The following PTDSS1 variants were observed in gnomAD, a reference collection of about 807,000 sequenced individuals.
PTDSS1 encodes the protein phosphatidylserine synthase 1, also known as PSS-1.
In PTDSS1, 45 loss-of-function variants were observed where a neutral mutation model predicts 70.5. That is an observed-to-expected ratio of 0.64 (90% CI 0.50 to 0.82). The LOEUF (loss-of-function observed/expected upper bound fraction) is 0.82. Among genes scored for constraint, PTDSS1 ranks in the 40% least tolerant of loss-of-function variants. The pLI, the probability that PTDSS1 is intolerant of heterozygous loss-of-function variation, is 0.00. For missense variants in PTDSS1, 417 were observed against 586.1 expected, an observed-to-expected ratio of 0.71 and a Z score of 2.98; for synonymous variants, 188 against 203.8, an observed-to-expected ratio of 0.92 and a Z score of 0.66.
intron 8 of PTDSS1, among the ~76,000 whole-genome samples, chr8:96,308,934 A>G (rs184436387): frequency 1.3e-5 from 2 of 152,222 alleles, no homozygotes; most frequent in East Asian, 3.9e-4. Context: ...TTGGCATTCA[A>G]TGGCAGTGAG....
chr8:96,294,281 G>T (rs1227699983), intron 4 of PTDSS1, among the ~76,000 whole-genome samples: 2 of 152,070 alleles, frequency 1.3e-5, no homozygotes, highest in East Asian at 3.9e-4. Context: ...TTTTCAGCTG[G>T]CTGATAATAG....
intron 9 of PTDSS1, among the ~76,000 whole-genome samples, chr8:96,315,403 C>A (rs1050640580): frequency 3.3e-5 from 5 of 152,278 alleles, no homozygotes; most frequent in Middle Eastern, 3.4e-3. Context: ...TCCTCAGAAT[C>A]CACGTGCAGG....
chr8:96,279,303 C>T (rs1354684265), intron 2 of PTDSS1, among the ~76,000 whole-genome samples: 1 of 151,834 alleles, frequency 6.6e-6, no homozygotes, highest in Non-Finnish European at 1.5e-5. Flanking sequence ...TTTTTACGGT[C>T]TTTGAGGAGA....
rs555586224 is a variant in PTDSS1 at position 96,335,792 on chromosome 8, G to C, written c.*2226G>C. The C allele has an allele frequency of 6.6e-6, 1 of 152,266 alleles. No homozygotes were observed. The highest frequency in any genetic ancestry group is 2.4e-5 in the African/African-American group (1 of 41,550). The allele number at this position is 152,266 out of a possible 1,614,324, so 9.4% of individuals were successfully genotyped here. ...TTTAGAAGCCATACTGCTGGGTTTG[G>C]CCTACTTTTTTCACCGTTTCTATGG... On this transcript the variant is annotated 3_prime_UTR_variant, in exon 13 of 13. Transcript: ENST00000517309.
intron 9 of PTDSS1, among the ~76,000 whole-genome samples, chr8:96,311,616 G>A (rs1025031295): frequency 2.0e-5 from 3 of 152,184 alleles, no homozygotes; most frequent in Non-Finnish European, 2.9e-5. Flanking sequence ...TTGATACTCA[G>A]GTTAGATTTA....
intron 9 of PTDSS1, among the ~76,000 whole-genome samples, chr8:96,318,445 C>G (rs545831806): frequency 4.3e-4 from 65 of 152,268 alleles, no homozygotes; most frequent in Non-Finnish European, 7.5e-4. Context: ...GCTCAACACT[C>G]CCATCATAGG....
At chr8:96,308,106 GGA>G (rs1264869124) in intron 8 of PTDSS1, among the ~76,000 whole-genome samples, 1 of 152,196 alleles carries the variant, frequency 6.6e-6, no homozygotes, top group African/African-American at 2.4e-5. Flanking sequence ...GGTCCCGAGA[GGA>G]GAGAGAGTTT....
intron 4 of PTDSS1, among the ~76,000 whole-genome samples, chr8:96,292,377 A>G (rs2130071504): frequency 6.6e-6 from 1 of 152,278 alleles, no homozygotes; most frequent in African/African-American, 2.4e-5. Context: ...CTAATTCTCA[A>G]AACAATACAG....
At chr8:96,280,855 T>C (rs1810725443) in intron 2 of PTDSS1, among the ~76,000 whole-genome samples, 1 of 151,948 alleles carries the variant, frequency 6.6e-6, no homozygotes, top group Non-Finnish European at 1.5e-5. Context: ...TCTAATAACC[T>C]CAGAACCATA....
At chr8:96,264,003 C>G (rs192077297) in intron 1 of PTDSS1, among the ~76,000 whole-genome samples, 27 of 152,352 alleles carry the variant, frequency 1.8e-4, no homozygotes, top group Admixed American at 1.6e-3. Context: ...ATTGCTTACT[C>G]TTTAATGATT....
chr8:96,307,513 A>G (rs1441845002), intron 8 of PTDSS1, among the ~76,000 whole-genome samples: 3 of 150,086 alleles, frequency 2.0e-5, no homozygotes, highest in East Asian at 2.0e-4. Flanking sequence ...ATCAAGTAAG[A>G]CATGTCCAAG....
intron 9 of PTDSS1, among the ~76,000 whole-genome samples, chr8:96,317,656 GC>G (rs1419882913): frequency 6.6e-6 from 1 of 151,832 alleles, no homozygotes; most frequent in Non-Finnish European, 1.5e-5. Context: ...AATTGCTTGA[GC>G]CTGGGAAGTG....
chr8:96,319,166 A>G (rs868470144), intron 9 of PTDSS1, among the ~76,000 whole-genome samples: 13 of 151,790 alleles, frequency 8.6e-5, no homozygotes, highest in Non-Finnish European at 7.4e-5. Flanking sequence ...CGCTCGCCTC[A>G]GCCTCCCAAA....
chr8:96,302,629 T>C (rs1027446599), intron 6 of PTDSS1, among the ~76,000 whole-genome samples: 1 of 152,186 alleles, frequency 6.6e-6, no homozygotes, highest in Non-Finnish European at 1.5e-5. Flanking sequence ...TCGCCTAGGC[T>C]GGAGTGCAGT....
At chr8:96,331,217 C>G (rs987648914) in intron 12 of PTDSS1, 122 bp downstream of exon 12, 20 of 876,100 alleles carry the variant, frequency 2.3e-5, no homozygotes, top group Admixed American at 1.6e-4. Flanking sequence ...CATTGAATGT[C>G]TCCTGTCACT....
At chr8:96,301,510 TTTTG>T (rs1240636208) in intron 6 of PTDSS1, among the ~76,000 whole-genome samples, 5 of 152,190 alleles carry the variant, frequency 3.3e-5, no homozygotes, top group South Asian at 2.1e-4. Flanking sequence ...TCTTTTGTTT[TTTTG>T]TTTGTTTGTT....
intron 7 of PTDSS1, 144 bp from the exon 8 acceptor site, chr8:96,306,300 A>G (rs1448477631): frequency 9.1e-6 from 6 of 659,040 alleles, no homozygotes; most frequent in Non-Finnish European, 1.3e-5. Context: ...TAGTTTGAAT[A>G]GCAATCCTTG....
chr8:96,310,358 T>C (rs1416279951), intron 9 of PTDSS1, among the ~76,000 whole-genome samples: 1 of 151,264 alleles, frequency 6.6e-6, no homozygotes, highest in Non-Finnish European at 1.5e-5. Flanking sequence ...AGAGACGGGG[T>C]TTCACCGTGT....
chr8:96,265,214 G>A lies in PTDSS1; in HGVS notation c.179+2995G>A, dbSNP rs182430030. On this transcript the variant is annotated intron_variant, in intron 1 of 12. Coordinates refer to ENST00000517309, the MANE Select transcript of PTDSS1 (RefSeq NM_014754.3). ...TCTTTCAGTAAAACTTAAAAGATATGTCTTAAAGTTTGTTTTGCAAAGACT... is the reference window on the plus strand; with the variant it reads ...TCTTTCAGTAAAACTTAAAAGATATATCTTAAAGTTTGTTTTGCAAAGACT... Among the ~76,000 whole-genome samples the A allele has an allele frequency of 5.3e-5, 8 of 152,328 alleles. No individual in the cohort carries two copies. In the East Asian group the frequency reaches 1.5e-3, roughly 29 times the overall value.
Sources: gnomAD v4.1 joint callset for allele counts (sites outside exome capture counted in the v4.1 genomes callset) on GRCh38, gnomAD v4.1.1 for gene constraint, MANE v1.5 for transcripts, NCBI Gene and HGNC (gene_info 2026-07-23, HGNC 2026-07-21) for gene names.